Variants in RALGAPA2 observed in about 807,000 individuals in gnomAD.
RALGAPA2 encodes the protein Ral GTPase activating protein catalytic subunit alpha 2, also known as ral GTPase-activating protein subunit alpha-2.
RALGAPA2 carries 139 observed loss-of-function variants against 230.4 expected under a neutral mutation model. That is an observed-to-expected ratio of 0.60 (90% CI 0.53 to 0.69). RALGAPA2 has a LOEUF of 0.69. Ranked by LOEUF, RALGAPA2 falls within the 30% of genes least tolerant of loss-of-function variation. RALGAPA2 has a pLI of 0.00. For missense variants in RALGAPA2, 2,163 were observed against 2,276.0 expected (o/e 0.95, Z 1.01); for synonymous variants, 847 against 837.8 (o/e 1.01, Z -0.19).
At chr20:20,442,776 C>A (rs2060765545) in intron 37 of RALGAPA2, among the ~76,000 whole-genome samples, 1 of 152,234 alleles carries the variant, frequency 6.6e-6, no homozygotes, top group Non-Finnish European at 1.5e-5. Context: ...AAAACAATGG[C>A]TGACACTTCT....
intron 37 of RALGAPA2, among the ~76,000 whole-genome samples, chr20:20,426,280 T>C (rs2060380588): frequency 6.6e-6 from 1 of 152,238 alleles, no homozygotes; most frequent in Non-Finnish European, 1.5e-5. Context: ...AATTTTTATG[T>C]TTGCTGTCAA....
At chr20:20,689,871 T>C (rs2068839421) in intron 1 of RALGAPA2, among the ~76,000 whole-genome samples, 1 of 152,154 alleles carries the variant, frequency 6.6e-6, no homozygotes, top group Admixed American at 6.5e-5. Context: ...TCCTGGCCTG[T>C]CATCTGAGTT....
chr20:20,488,900 C>T (rs2061980081), intron 36 of RALGAPA2, among the ~76,000 whole-genome samples: 1 of 152,216 alleles, frequency 6.6e-6, no homozygotes, highest in Non-Finnish European at 1.5e-5. Flanking sequence ...TCCTGCTTGA[C>T]TGAATGAAGC....
chr20:20,546,920 T>C, intron 23 of RALGAPA2, 88 bp from the exon 24 acceptor site: 7 of 1,299,100 alleles, frequency 5.4e-6, no homozygotes, highest in Non-Finnish European at 6.1e-6. Flanking sequence ...ATGACCACTG[T>C]ATAATAATCC....
At chr20:20,481,697 T>C (rs1259201240) in intron 36 of RALGAPA2, among the ~76,000 whole-genome samples, 2 of 152,198 alleles carry the variant, frequency 1.3e-5, no homozygotes, top group Non-Finnish European at 2.9e-5. Flanking sequence ...AAAAAGCATC[T>C]GCATACAGGT....
rs1602246178 is a variant in RALGAPA2, at chr20:20,396,615, C to T, written c.*35+80G>A. ...GGAGCACTGATGCAGGGTCCGCTAC[C>T]GAGGGCAGCCGATTAGAAAAGTCCC... On this transcript the variant is annotated intron_variant, in intron 39 of 39. Coordinates refer to ENST00000202677, the MANE Select transcript of RALGAPA2 (RefSeq NM_020343.4). The T allele has an allele frequency of 1.9e-5, 26 of 1,357,218 alleles. 1 individual carries two copies. In the East Asian group the frequency reaches 2.2e-4, roughly 12 times the overall value. 84.1% of individuals were successfully genotyped at this position (1,357,218 alleles called of 1,614,324 possible). A position where few individuals can be genotyped will look rare whatever the true frequency, so the allele number is the denominator to read the frequency against.
Position 20,416,869 on chromosome 20 carries a change from G to A in RALGAPA2, c.5496-4721C>T, listed in dbSNP as rs116513562. On this transcript the variant is annotated intron_variant, in intron 37 of 39. Coordinates refer to ENST00000202677, the MANE Select transcript of RALGAPA2 (RefSeq NM_020343.4). Reference sequence around the variant, plus strand: ...TGAACCTTCTCTAAATTTCCCAAGAGTGGACATGACGCTCAGACTGGCAAA... The same window carrying A: ...TGAACCTTCTCTAAATTTCCCAAGAATGGACATGACGCTCAGACTGGCAAA... 3.4e-3 allele frequency among the ~76,000 whole-genome samples: 520 copies of A among 152,280 alleles called. 1 individual carries two copies. The highest frequency in any genetic ancestry group is 0.012 in the African/African-American group (502 of 41,542).
intron 37 of RALGAPA2, among the ~76,000 whole-genome samples, chr20:20,414,400 T>A (rs947903048): frequency 2.6e-5 from 4 of 152,188 alleles, no homozygotes; most frequent in African/African-American, 9.7e-5. Context: ...AAAAAGGAAA[T>A]GCGTGCGCAT....
chr20:20,652,100 C>A (rs1483150094), intron 4 of RALGAPA2, among the ~76,000 whole-genome samples: 1 of 152,176 alleles, frequency 6.6e-6, no homozygotes, highest in African/African-American at 2.4e-5. Flanking sequence ...GTTCAATTGA[C>A]ATATACACTT....
At chr20:20,510,943 T>C (rs1329184817) in intron 33 of RALGAPA2, among the ~76,000 whole-genome samples, 1 of 152,200 alleles carries the variant, frequency 6.6e-6, no homozygotes, top group Non-Finnish European at 1.5e-5. Flanking sequence ...AGGTAAACTT[T>C]TTCTTCATCA....
chr20:20,648,483 T>A (rs1045163913), intron 4 of RALGAPA2, among the ~76,000 whole-genome samples: 1 of 152,142 alleles, frequency 6.6e-6, no homozygotes, highest in Non-Finnish European at 1.5e-5. Flanking sequence ...AAAATGTGCA[T>A]TTTAAATATA....
chr20:20,445,094 C>T (rs1036382892), intron 37 of RALGAPA2, among the ~76,000 whole-genome samples: 17 of 152,134 alleles, frequency 1.1e-4, no homozygotes, highest in Non-Finnish European at 1.8e-4. Context: ...TATTATTAAT[C>T]TCTTTGTCTA....
At chr20:20,502,287 TAAAG>T (rs2062400336) in intron 35 of RALGAPA2, among the ~76,000 whole-genome samples, 1 of 151,444 alleles carries the variant, frequency 6.6e-6, no homozygotes, top group Non-Finnish European at 1.5e-5. Context: ...AACCGTACAA[TAAAG>T]AAATAAAGCA....
At chr20:20,566,205 T>C (rs1310222872) in intron 23 of RALGAPA2, among the ~76,000 whole-genome samples, 1 of 152,338 alleles carries the variant, frequency 6.6e-6, no homozygotes, top group East Asian at 1.9e-4. Context: ...GGACAGAACC[T>C]GGGTCAATGC....
At chr20:20,482,204 G>A (rs2061793949) in intron 36 of RALGAPA2, among the ~76,000 whole-genome samples, 1 of 152,120 alleles carries the variant, frequency 6.6e-6, no homozygotes, top group Non-Finnish European at 1.5e-5. Context: ...TGTACCATCT[G>A]TTTATTTGCA....
At chr20:20,711,082 CAACT>C (rs1028093060) in intron 1 of RALGAPA2, among the ~76,000 whole-genome samples, 1 of 152,226 alleles carries the variant, frequency 6.6e-6, no homozygotes, top group African/African-American at 2.4e-5. Context: ...CCTGTAACAG[CAACT>C]AATTTACATT....
At chr20:20,611,886 T>A (rs1431382779) in intron 13 of RALGAPA2, among the ~76,000 whole-genome samples, 4 of 152,128 alleles carry the variant, frequency 2.6e-5, no homozygotes, top group African/African-American at 9.7e-5. Flanking sequence ...ACACACACAG[T>A]CAGTATCTTG....
intron 1 of RALGAPA2, among the ~76,000 whole-genome samples, chr20:20,685,355 G>GACACCAAA (rs2068662477): frequency 6.6e-6 from 1 of 152,212 alleles, no homozygotes; most frequent in Non-Finnish European, 1.5e-5. Context: ...ACAGGGAGTG[G>GACACCAAA]ACAAGGCCAC....
At chr20:20,682,139 T>A (rs2068542338) in intron 1 of RALGAPA2, among the ~76,000 whole-genome samples, 2 of 152,232 alleles carry the variant, frequency 1.3e-5, no homozygotes. Flanking sequence ...CCTGGCTCTT[T>A]GAAATAATGC....
Sources: gnomAD v4.1 joint callset for allele counts (sites outside exome capture counted in the v4.1 genomes callset) on GRCh38, gnomAD v4.1.1 for gene constraint, MANE v1.5 for transcripts, NCBI Gene and HGNC (gene_info 2026-07-23, HGNC 2026-07-21) for gene names.